CSMD1: variants seen among roughly 807,000 people sequenced by gnomAD.
CSMD1 encodes the protein CUB and Sushi multiple domains 1, also known as CUB and sushi domain-containing protein 1.
Under a neutral mutation model 417.5 loss-of-function variants are expected in CSMD1, and 213 were observed. The observed-to-expected ratio is 0.51, with a 90% CI of 0.46 to 0.57. The LOEUF (loss-of-function observed/expected upper bound fraction) is 0.57. CSMD1 is among the 20% of genes least tolerant of loss of function. The probability of loss-of-function intolerance (pLI) is 0.00; values close to 1 mark genes in which losing one functional copy is unlikely to be tolerated. For missense variants in CSMD1, 6,923 were observed against 4,529.7 expected (o/e 1.53, Z -15.17); for synonymous variants, 2,862 against 1,736.8 (o/e 1.65, Z -16.11).
intron 5 of CSMD1, among the ~76,000 whole-genome samples, chr8:3,828,495 G>A (rs966398853): frequency 6.6e-6 from 1 of 152,164 alleles, no homozygotes; most frequent in African/African-American, 2.4e-5. Context: ...ATCTTTATCA[G>A]TGTTTCCCAA....
chr8:4,172,767 G>A (rs981047326), intron 3 of CSMD1, among the ~76,000 whole-genome samples: 3 of 152,054 alleles, frequency 2.0e-5, no homozygotes, highest in African/African-American at 7.3e-5. Flanking sequence ...CTCTTTCTTG[G>A]ATCCCTTACC....
At chr8:4,252,938 C>T (rs73660706) in intron 3 of CSMD1, among the ~76,000 whole-genome samples, 14,177 of 152,130 alleles carry the variant, frequency 0.093, 931 homozygotes, top group East Asian at 0.33. Flanking sequence ...CAGCAGAACA[C>T]ACCAACTTTT....
At chr8:3,317,125 A>G (rs1213613165) in intron 23 of CSMD1, among the ~76,000 whole-genome samples, 1 of 152,170 alleles carries the variant, frequency 6.6e-6, no homozygotes, top group African/African-American at 2.4e-5. Context: ...AATGCAGCTC[A>G]TGGGAGAGGT....
chr8:3,383,304 G>A (rs757505201), intron 18 of CSMD1, among the ~76,000 whole-genome samples: 1 of 152,198 alleles, frequency 6.6e-6, no homozygotes, highest in Non-Finnish European at 1.5e-5. Flanking sequence ...CTGTTAAAAT[G>A]TTTAAAGTTT....
intron 1 of CSMD1, among the ~76,000 whole-genome samples, chr8:4,805,713 G>C (rs931745732): frequency 2.0e-5 from 3 of 152,068 alleles, no homozygotes; most frequent in Non-Finnish European, 4.4e-5. Flanking sequence ...ACCTCATAAA[G>C]CATTATATTA....
At chr8:2,952,701 T>A (rs1802716947) in intron 65 of CSMD1, among the ~76,000 whole-genome samples, 1 of 152,192 alleles carries the variant, frequency 6.6e-6, no homozygotes, top group Non-Finnish European at 1.5e-5. Context: ...TCTTCCCTAA[T>A]TAGAATTTAT....
intron 2 of CSMD1, among the ~76,000 whole-genome samples, chr8:4,463,364 A>T (rs1799958633): frequency 6.6e-6 from 1 of 152,168 alleles, no homozygotes. Flanking sequence ...CTATTTTGTA[A>T]AATACTCCGG....
At chr8:3,048,598 C>T (rs117057325) in intron 50 of CSMD1, among the ~76,000 whole-genome samples, 2,212 of 152,254 alleles carry the variant, frequency 0.015, 19 homozygotes, top group East Asian at 0.031. Context: ...ATGTATCACA[C>T]ACCCACATAT....
chr8:3,566,692 G>C (rs181868328), intron 10 of CSMD1, among the ~76,000 whole-genome samples: 3 of 152,114 alleles, frequency 2.0e-5, no homozygotes, highest in African/African-American at 7.2e-5. Context: ...CAACATCACT[G>C]ATCATTAGAG....
chr8:4,804,930 G>A (rs1371047213), intron 1 of CSMD1, among the ~76,000 whole-genome samples: 2 of 152,010 alleles, frequency 1.3e-5, no homozygotes, highest in African/African-American at 2.4e-5. Context: ...CACTTAAAGC[G>A]GTTTACTTAA....
chr8:4,490,292 G>A (rs1173672908), intron 2 of CSMD1, among the ~76,000 whole-genome samples: 1 of 151,876 alleles, frequency 6.6e-6, no homozygotes, highest in Non-Finnish European at 1.5e-5. Flanking sequence ...CACTCTCTTC[G>A]GCCTCCCAAA....
intron 46 of CSMD1, among the ~76,000 whole-genome samples, chr8:3,100,939 A>G (rs889916657): frequency 6.6e-6 from 1 of 152,116 alleles, no homozygotes; most frequent in Admixed American, 6.5e-5. Context: ...CAGCACATAT[A>G]GAAGGAAGCT....
intron 28 of CSMD1, among the ~76,000 whole-genome samples, chr8:3,222,173 G>C (rs1384532769): frequency 6.6e-6 from 1 of 152,174 alleles, no homozygotes; most frequent in Admixed American, 6.5e-5. Context: ...GAGGCTTAGA[G>C]ATTATCTGTT....
chr8:3,654,952 G>A (rs17066827), intron 7 of CSMD1, among the ~76,000 whole-genome samples: 6,686 of 152,262 alleles, frequency 0.044, 294 homozygotes, highest in African/African-American at 0.1. Flanking sequence ...CTGCTTTTTG[G>A]AGCCTGATGC....
At chr8:4,815,281 T>G (rs916408038) in intron 1 of CSMD1, among the ~76,000 whole-genome samples, 62 of 151,858 alleles carry the variant, frequency 4.1e-4, no homozygotes, top group African/African-American at 1.5e-3. Flanking sequence ...CAAACCAATC[T>G]GCATTTGTGT....
intron 3 of CSMD1, among the ~76,000 whole-genome samples, chr8:4,232,593 C>G (rs920379486): frequency 2.0e-5 from 3 of 152,158 alleles, no homozygotes; most frequent in Admixed American, 6.5e-5. Flanking sequence ...TCTTGTGATC[C>G]TAACCACAGT....
At chr8:4,837,798 G>C (rs765986550) in intron 1 of CSMD1, among the ~76,000 whole-genome samples, 1 of 151,912 alleles carries the variant, frequency 6.6e-6, no homozygotes, top group African/African-American at 2.4e-5. Context: ...CGGCTGGGAT[G>C]GATATATCGT....
At chr8:3,520,025 T>C (rs1585294406) in intron 10 of CSMD1, among the ~76,000 whole-genome samples, 1 of 144,712 alleles carries the variant, frequency 6.9e-6, no homozygotes, top group Admixed American at 7.1e-5. Context: ...TATACCTATA[T>C]ATATATATAT....
chr8:4,974,044 A>G (rs1810401250), intron 1 of CSMD1, among the ~76,000 whole-genome samples: 1 of 152,078 alleles, frequency 6.6e-6, no homozygotes, highest in African/African-American at 2.4e-5. Flanking sequence ...TATTTTAGAC[A>G]GAGTCTCACC....
Sources: gnomAD v4.1 joint callset for allele counts (sites outside exome capture counted in the v4.1 genomes callset) on GRCh38, gnomAD v4.1.1 for gene constraint, MANE v1.5 for transcripts, NCBI Gene and HGNC (gene_info 2026-07-23, HGNC 2026-07-21) for gene names.